The following WDR70 variants were observed in gnomAD, a reference collection of about 807,000 sequenced individuals.
The protein encoded by WDR70 is WD repeat-containing protein 70.
Under a neutral mutation model 88.6 loss-of-function variants are expected in WDR70, and 53 were observed. That is an observed-to-expected ratio of 0.60 (90% confidence interval 0.48 to 0.75). The LOEUF is 0.75. Ranked by LOEUF, WDR70 falls within the 30% of genes least tolerant of loss-of-function variation. The pLI is 0.00. For missense variants in WDR70, 610 were observed against 823.2 expected, an observed-to-expected ratio of 0.74 and a Z score of 3.17; for synonymous variants, 280 against 270.0, an observed-to-expected ratio of 1.04 and a Z score of -0.36.
At chr5:37,573,732 T>A (rs1026640583) in intron 9 of WDR70, among the ~76,000 whole-genome samples, 9 of 152,114 alleles carry the variant, frequency 5.9e-5, no homozygotes, top group Non-Finnish European at 1.2e-4. Flanking sequence ...GTCTCATTTC[T>A]TGTCTGTCAT....
At chr5:37,727,195 T>G in intron 17 of WDR70, 150 bp downstream of exon 17, 1 of 941,816 alleles carries the variant, frequency 1.1e-6, no homozygotes, top group Non-Finnish European at 1.5e-6. Context: ...TCTTTAAACC[T>G]AGGCATTTGT....
chr5:37,605,103 A>G lies in WDR70; in HGVS notation c.957A>G (p.Gln319=), dbSNP rs1743996719. 6.2e-7 allele frequency: 1 copy of G among 1,612,820 alleles called. No individual in the cohort carries two copies. ...GGGAAGTTGAAAATCCAAAGAAGCA[A>G]AAAAGTGTGTTTAAACCACGGACGA... ...RTWEVENPKK[Q]KSVFKPRTMQ... Residue 319 remains glutamine, a synonymous_variant, in exon 10 of 18, where the codon CAA becomes CAG. Transcript: ENST00000265107.
chr5:37,547,570 A>G (rs887285835), intron 9 of WDR70, among the ~76,000 whole-genome samples: 2 of 152,176 alleles, frequency 1.3e-5, no homozygotes, highest in East Asian at 1.9e-4. Flanking sequence ...CAGATATACA[A>G]TCTGTAATAA....
rs192879088 is a variant in WDR70, at chr5:37,693,225, A to G, written c.1093-4430A>G. Among the ~76,000 whole-genome samples, 295 of 152,296 alleles carry G rather than the reference A, an allele frequency of 1.9e-3. 2 individuals are homozygous for G. The highest frequency in any genetic ancestry group is 2.9e-3 in the Non-Finnish European group (198 of 68,022). On this transcript the variant is annotated intron_variant, in intron 10 of 17. Coordinates refer to ENST00000265107, the MANE Select transcript of WDR70 (RefSeq NM_018034.4). ...ACAAAATAAAAGGACACAAACAAAT[A>G]GAAGAACATTCCATGCTCATGGATA...
chr5:37,743,682 C>T (rs1199296082), intron 17 of WDR70, among the ~76,000 whole-genome samples: 2 of 152,158 alleles, frequency 1.3e-5, no homozygotes, highest in Non-Finnish European at 2.9e-5. Flanking sequence ...TCAGGTCTAA[C>T]CCTGACCTAT....
intron 7 of WDR70, among the ~76,000 whole-genome samples, chr5:37,461,553 C>T (rs1009470411): frequency 2.6e-5 from 4 of 151,938 alleles, no homozygotes; most frequent in East Asian, 2.0e-4. Flanking sequence ...GCGCCATCTC[C>T]GCTCACTGCA....
Position 37,484,103 on chromosome 5 carries a change from C to G in WDR70, c.840+4116C>G, listed in dbSNP as rs1192816504. Among the ~76,000 whole-genome samples the G allele has an allele frequency of 1.1e-4, 17 of 151,184 alleles. No individual in the cohort carries two copies. The East Asian group carries it at 2.9e-3, about 26-fold the overall frequency. On this transcript the variant is annotated intron_variant, in intron 8 of 17. Transcript: ENST00000265107. ...GCTGGGCAGAGGGGCTCCTCACATC[C>G]CAGACGATGGGCGGCCAGGCAGAGA... is the stretch of plus-strand genomic sequence containing the variant.
chr5:37,393,934 T>A (rs1344536721), intron 4 of WDR70, among the ~76,000 whole-genome samples: 1 of 152,062 alleles, frequency 6.6e-6, no homozygotes, highest in Admixed American at 6.6e-5. Context: ...CGCTCACCTC[T>A]ACCTCGAAAA....
At chr5:37,428,096 G>A (rs1351616632) in intron 5 of WDR70, among the ~76,000 whole-genome samples, 2 of 151,114 alleles carry the variant, frequency 1.3e-5, no homozygotes, top group African/African-American at 4.9e-5. Flanking sequence ...GCAACAAGCT[G>A]TGGTCCTGAT....
chr5:37,478,711 C>G (rs1739562104), intron 7 of WDR70, among the ~76,000 whole-genome samples: 1 of 152,176 alleles, frequency 6.6e-6, no homozygotes, highest in Admixed American at 6.5e-5. Flanking sequence ...ATTGACCAGT[C>G]ATTGAATGTG....
chr5:37,450,574 C>G (rs1471800511), intron 7 of WDR70, among the ~76,000 whole-genome samples: 1 of 152,162 alleles, frequency 6.6e-6, no homozygotes, highest in African/African-American at 2.4e-5. Flanking sequence ...CTTCCACTAT[C>G]CATTTACTTA....
At chr5:37,527,968 C>G (rs552676041) in intron 9 of WDR70, among the ~76,000 whole-genome samples, 2 of 152,164 alleles carry the variant, frequency 1.3e-5, no homozygotes, top group East Asian at 1.9e-4. Flanking sequence ...TCATTAAAAA[C>G]TCAGGAAACA....
At chr5:37,452,607 C>A (rs571257124) in intron 7 of WDR70, among the ~76,000 whole-genome samples, 2 of 152,274 alleles carry the variant, frequency 1.3e-5, no homozygotes, top group Middle Eastern at 3.4e-3. Flanking sequence ...GTTTTTCACC[C>A]AAGTGAGAAT....
At chr5:37,637,775 C>G (rs1745012339) in intron 10 of WDR70, among the ~76,000 whole-genome samples, 1 of 152,190 alleles carries the variant, frequency 6.6e-6, no homozygotes, top group Non-Finnish European at 1.5e-5. Context: ...CTCCAAAAGC[C>G]AAGAATGGCA....
At chr5:37,639,838 TA>T (rs1745059624) in intron 10 of WDR70, among the ~76,000 whole-genome samples, 1 of 152,204 alleles carries the variant, frequency 6.6e-6, no homozygotes, top group Non-Finnish European at 1.5e-5. Context: ...TATATCATAT[TA>T]AAATAAAACA....
chr5:37,387,487 T>G (rs1748658131), intron 3 of WDR70, among the ~76,000 whole-genome samples: 1 of 152,208 alleles, frequency 6.6e-6, no homozygotes, highest in Non-Finnish European at 1.5e-5. Context: ...CTTTCTTGAT[T>G]TACATCTTTG....
chr5:37,625,776 G>A (rs573261538), intron 10 of WDR70, among the ~76,000 whole-genome samples: 9 of 151,948 alleles, frequency 5.9e-5, no homozygotes, highest in Non-Finnish European at 1.3e-4. Context: ...TGATCTGCCC[G>A]CCTCAGCCTC....
At position 37,722,840 on chromosome 5, in the gene WDR70, T is replaced by C. The variant is rs1245263255; in HGVS notation, c.1518-15T>C. Reference sequence around the variant, plus strand: ...AGACCAAGTAAAGAAAATAATTTGCTTTTACACCCGTTAGGGGAGCAAAAT... The same window carrying C: ...AGACCAAGTAAAGAAAATAATTTGCCTTTACACCCGTTAGGGGAGCAAAAT... On this transcript the variant is annotated splice_polypyrimidine_tract_variant and intron_variant, in intron 14 of 17. Transcript: ENST00000265107. 6.2e-7 allele frequency: 1 copy of C among 1,612,868 alleles called. No individual in the cohort carries two copies. The highest frequency in any genetic ancestry group is 8.5e-7 in the Non-Finnish European group (1 of 1,179,370).
At chr5:37,614,839 T>C (rs934190865) in intron 10 of WDR70, among the ~76,000 whole-genome samples, 1 of 152,034 alleles carries the variant, frequency 6.6e-6, no homozygotes, top group African/African-American at 2.4e-5. Flanking sequence ...TAACATGAAA[T>C]ACAGAAACTT....
Sources: gnomAD v4.1 joint callset for allele counts (sites outside exome capture counted in the v4.1 genomes callset) on GRCh38, gnomAD v4.1.1 for gene constraint, MANE v1.5 for transcripts, NCBI Gene and HGNC (gene_info 2026-07-23, HGNC 2026-07-21) for gene names.